Variants in AKR1D1 observed in about 807,000 individuals in gnomAD.
The protein encoded by AKR1D1 is aldo-keto reductase family 1 member D1, also known as delta(4)-3-ketosteroid 5-beta-reductase.
A neutral mutation model predicts 42.6 loss-of-function variants in AKR1D1; 32 were observed. The ratio of observed to expected loss-of-function variants is 0.75; its 90% CI spans 0.57 to 1.01. The LOEUF is 1.01. Ranked by LOEUF, AKR1D1 falls within the 50% of genes least tolerant of loss-of-function variation. The pLI is 0.00. For synonymous variants in AKR1D1, 123 were observed against 135.5 expected (o/e 0.91, Z 0.64); for missense variants, 364 against 402.2 (o/e 0.91, Z 0.81).
Position 138,088,643 on chromosome 7 carries a change from G to A in AKR1D1, c.136G>A (p.Asp46Asn). 1 of 1,614,146 alleles carries A rather than the reference G, an allele frequency of 6.2e-7. No homozygotes were observed. The highest frequency in any genetic ancestry group is 2.2e-5 in the East Asian group (1 of 44,878). Residue 46 changes from aspartate to asparagine, a missense_variant, in exon 2 of 9, where the codon GAC becomes AAC. By Grantham distance (23) the Asp-to-Asn change is conservative. Coordinates refer to ENST00000242375, the MANE Select transcript of AKR1D1 (RefSeq NM_005989.4). ...ACATSVKVAIDTGYRHIDGAY... is the reference protein window; with the variant it reads ...ACATSVKVAINTGYRHIDGAY... ...TGCAACATCGGTGAAGGTTGCTATT[G>A]ACACAGGGTACCGACATATTGATGG...
In AKR1D1 at chr7:138,117,602, T is replaced by C. The variant is rs1180816449; in HGVS notation, c.*940T>C. 1.3e-5 allele frequency: 2 copies of C among 152,272 alleles called. No individual in the cohort carries two copies. The highest frequency in any genetic ancestry group is 2.9e-5 in the Non-Finnish European group (2 of 68,042). 9.4% of individuals were successfully genotyped at this position (152,272 alleles called of 1,614,324 possible). A position where few individuals can be genotyped will look rare whatever the true frequency, so the allele number is the denominator to read the frequency against. On this transcript the variant is annotated 3_prime_UTR_variant, in exon 9 of 9. Transcript: ENST00000242375. ...TTATATGAATTTTGAGAATTTTATA[T>C]GAATTTTGAGAAAGCAAGTTCAAAA... is the stretch of plus-strand genomic sequence containing the variant.
chr7:138,076,700 T>A, intron 1 of AKR1D1, 89 bp downstream of exon 1: 1 of 1,109,242 alleles, frequency 9.0e-7, no homozygotes, highest in South Asian at 1.3e-5. Context: ...TAAGCAGATC[T>A]CATTGACTTA....
Position 138,118,140 on chromosome 7 carries a change from T to C in AKR1D1, c.*1478T>C, listed in dbSNP as rs1794677894. Among the ~76,000 whole-genome samples the C allele has an allele frequency of 1.3e-5, 2 of 152,376 alleles. No individual in the cohort carries two copies. The highest frequency in any genetic ancestry group is 6.5e-5 in the Admixed American group (1 of 15,314). On this transcript the variant is annotated 3_prime_UTR_variant, in exon 9 of 9. Transcript: ENST00000242375. ...TTTCCCAAGATCAGTTGCTTATAGA[T>C]AATGTTCAATGACCTCAAGACATAT...
intron 1 of AKR1D1, among the ~76,000 whole-genome samples, chr7:138,083,177 C>A (rs895194752): frequency 1.3e-5 from 2 of 152,168 alleles, no homozygotes; most frequent in African/African-American, 4.8e-5. Flanking sequence ...TACAAGAGTT[C>A]TAATTTCTCT....
Position 138,114,209 on chromosome 7 carries a change from C to A in AKR1D1, c.938+437C>A, listed in dbSNP as rs78095468. Among the ~76,000 whole-genome samples, 171 of 152,218 alleles carry A rather than the reference C, an allele frequency of 1.1e-3. 1 individual carries two copies. The East Asian group carries it at 0.032, about 29-fold the overall frequency. ...TTGTAGAAAGAGCACTAGATTGAAACCAAGAACTTAGACTTTTAGACAAAT... is the reference window on the plus strand; with the variant it reads ...TTGTAGAAAGAGCACTAGATTGAAAACAAGAACTTAGACTTTTAGACAAAT... On this transcript the variant is annotated intron_variant, in intron 8 of 8. Coordinates refer to ENST00000242375, the MANE Select transcript of AKR1D1 (RefSeq NM_005989.4).
chr7:138,087,291 C>T (rs936348667), intron 1 of AKR1D1, among the ~76,000 whole-genome samples: 1 of 135,414 alleles, frequency 7.4e-6, no homozygotes, highest in African/African-American at 2.6e-5. Flanking sequence ...CTAAACACCT[C>T]CCATTAGGCC....
chr7:138,115,402 G>A (rs1794615305), intron 8 of AKR1D1, among the ~76,000 whole-genome samples: 1 of 152,124 alleles, frequency 6.6e-6, no homozygotes, highest in Admixed American at 6.6e-5. Context: ...GCTCCAGCCT[G>A]GTAGACAGAG....
At chr7:138,105,108 T>C (rs554829262) in intron 4 of AKR1D1, among the ~76,000 whole-genome samples, 199 bp from the exon 5 acceptor site, 2 of 152,034 alleles carry the variant, frequency 1.3e-5, no homozygotes, top group African/African-American at 2.4e-5. Context: ...AAGGGGAAGA[T>C]ATGGCATACA....
chr7:138,093,228 C>T (rs868349433), intron 3 of AKR1D1, among the ~76,000 whole-genome samples: 22 of 152,000 alleles, frequency 1.4e-4, no homozygotes, highest in African/African-American at 5.3e-4. Flanking sequence ...ACCATCACAC[C>T]CGGCTAAGTT....
chr7:138,096,808 AC>A (rs1246692637), intron 3 of AKR1D1, among the ~76,000 whole-genome samples: 1 of 151,986 alleles, frequency 6.6e-6, no homozygotes, highest in African/African-American at 2.4e-5. Context: ...CCAGTCCTCT[AC>A]CCTCAATATT....
intron 2 of AKR1D1, 40 bp downstream of exon 2, chr7:138,088,808 A>T (rs1793997347): frequency 6.4e-7 from 1 of 1,554,326 alleles, no homozygotes; most frequent in Non-Finnish European, 8.7e-7. Flanking sequence ...GACAGTGAGA[A>T]GGTTTCAGTT....
intron 3 of AKR1D1, among the ~76,000 whole-genome samples, chr7:138,095,884 C>T (rs773938475): frequency 3.3e-5 from 5 of 151,880 alleles, no homozygotes; most frequent in Non-Finnish European, 7.4e-5. Context: ...ATTCCCTTCT[C>T]AGTCTGTTTT....
At chr7:138,116,300 G>C (rs113975771) in intron 8 of AKR1D1, among the ~76,000 whole-genome samples, 1 of 152,192 alleles carries the variant, frequency 6.6e-6, no homozygotes, top group East Asian at 1.9e-4. Flanking sequence ...GGAACAGAAA[G>C]GGGGAAGGAG....
At chr7:138,079,111 C>A (rs10264483) in intron 1 of AKR1D1, among the ~76,000 whole-genome samples, 1 of 152,158 alleles carries the variant, frequency 6.6e-6, no homozygotes, top group Non-Finnish European at 1.5e-5. Flanking sequence ...GGATTACAGG[C>A]GTGAGCCATG....
intron 6 of AKR1D1, 122 bp from the exon 7 acceptor site, chr7:138,107,293 G>C (rs772415175): frequency 9.9e-7 from 1 of 1,010,924 alleles, no homozygotes; most frequent in Non-Finnish European, 1.6e-6. Flanking sequence ...ACTGGTTACA[G>C]GTGACCTGCA....
chr7:138,111,550 TGTAG>T (rs1481140339), intron 7 of AKR1D1, among the ~76,000 whole-genome samples: 1 of 152,154 alleles, frequency 6.6e-6, no homozygotes, highest in African/African-American at 2.4e-5. Flanking sequence ...AAGGGAAAAC[TGTAG>T]GGGAAGCAGT....
chr7:138,084,970 C>A (rs906915816), intron 1 of AKR1D1, among the ~76,000 whole-genome samples: 2 of 139,938 alleles, frequency 1.4e-5, no homozygotes, highest in South Asian at 4.7e-4. Context: ...GTAGGAGAAT[C>A]GCTTGAACCC....
intron 1 of AKR1D1, among the ~76,000 whole-genome samples, chr7:138,078,458 T>C (rs1354697271): frequency 6.6e-6 from 1 of 152,200 alleles, no homozygotes; most frequent in Non-Finnish European, 1.5e-5. Context: ...TCCACTTCAA[T>C]TGCACACCTC....
chr7:138,111,141 C>T (rs750104846), intron 7 of AKR1D1, among the ~76,000 whole-genome samples: 80 of 152,286 alleles, frequency 5.3e-4, no homozygotes, highest in Non-Finnish European at 9.3e-4. Context: ...TCCTCCATAG[C>T]CTCAATTTCA....
Sources: allele counts gnomAD v4.1 joint callset (sites outside exome capture counted in the v4.1 genomes callset), GRCh38; gene constraint gnomAD v4.1.1; transcripts MANE v1.5; gene names NCBI Gene and HGNC (gene_info 2026-07-23, HGNC 2026-07-21).